IGF2R: variants seen among roughly 807,000 people sequenced by gnomAD.
The protein encoded by IGF2R is insulin like growth factor 2 receptor.
In IGF2R, 91 loss-of-function variants were observed where a neutral mutation model predicts 270.6. The ratio of observed to expected loss-of-function variants is 0.34; its 90% CI spans 0.28 to 0.40. The LOEUF (loss-of-function observed/expected upper bound fraction) is 0.40, where lower values mean the gene tolerates loss of function less well. Among genes scored for constraint, IGF2R ranks in the 10% least tolerant of loss-of-function variants. IGF2R has a pLI of 1.00. For synonymous variants in IGF2R, 1,316 were observed against 1,258.9 expected, an observed-to-expected ratio of 1.05 and a Z score of -0.96; for missense variants, 2,805 against 3,188.3, an observed-to-expected ratio of 0.88 and a Z score of 2.90.
chr6:160,096,774 A>G lies in IGF2R; in HGVS notation c.6842+149A>G, dbSNP rs534847929. 2.2e-5 allele frequency: 15 copies of G among 695,276 alleles called. No individual in the cohort carries two copies. The East Asian group carries it at 2.7e-4, about 12-fold the overall frequency. The allele number at this position is 695,276 out of a possible 1,614,324, so 43.1% of individuals were successfully genotyped here. A position where few individuals can be genotyped will look rare whatever the true frequency, so the allele number is the denominator to read the frequency against. On this transcript the variant is annotated intron_variant, in intron 45 of 47. Coordinates refer to ENST00000356956, the MANE Select transcript of IGF2R (RefSeq NM_000876.4). ...AAAATGATAGAAGCGGACCCCACAT[A>G]GTCAGTGCCCCGCTCCGTTGCTTGT...
chr6:160,059,075 A>C lies in IGF2R; in HGVS notation c.3068A>C (p.Tyr1023Ser). The C allele has an allele frequency of 6.2e-7, 1 of 1,614,122 alleles. No homozygotes were observed. Among genetic ancestry groups the C allele is most frequent in the African/African-American group, 1.3e-5 (1 of 75,062 alleles). Residue 1023 changes from tyrosine (Y) to serine (S), a missense_variant, in exon 22 of 48, where the codon TAC becomes TCC. By Grantham distance (144) the Tyr-to-Ser change is moderately radical. This residue lies in a region of IGF2R where 1,851 missense variants were observed against 2,207.2 expected (regional missense o/e 0.84). Transcript: ENST00000356956. ...LSTEGFITLTYKGPLSAKGTA... is the reference protein window; with the variant it reads ...LSTEGFITLTSKGPLSAKGTA... ...ACAGAGGGCTTCATCACTCTGACCT[A>C]CAAAGGGCCTCTCTCTGCCAAAGGT...
chr6:160,064,455 C>G lies in IGF2R; in HGVS notation c.3941C>G (p.Thr1314Arg), dbSNP rs888095015. The change falls in exon 28 of 48, where the codon ACG (threonine) becomes AGG (arginine). Residue 1314 changes from threonine (T) to arginine (R), a missense_variant. Around this residue, in one of 2 missense-constraint regions of IGF2R, gnomAD observed 1,851 missense variants for 2,207.2 expected, o/e 0.84. Coordinates refer to ENST00000356956, the MANE Select transcript of IGF2R (RefSeq NM_000876.4). Reference sequence around the variant, plus strand: ...AATGGCTTGTTAAAAATGAACTTCACGGGGGGGGACACTTGCCATAAGGTT... The same window carrying G: ...AATGGCTTGTTAAAAATGAACTTCAGGGGGGGGGACACTTGCCATAAGGTT... ...YENGLLKMNFTGGDTCHKVYQ... is the reference protein window; with the variant it reads ...YENGLLKMNFRGGDTCHKVYQ... 6.2e-7 allele frequency: 1 copy of G among 1,612,028 alleles called. No individual in the cohort carries two copies. The highest frequency in any genetic ancestry group is 8.5e-7 in the Non-Finnish European group (1 of 1,178,678).
Position 160,096,430 on chromosome 6 carries a change from G to C in IGF2R, c.6656-9G>C, listed in dbSNP as rs184900975. 6 of 1,607,014 alleles carry C rather than the reference G, an allele frequency of 3.7e-6. No homozygotes were observed. The South Asian group carries it at 6.7e-5, about 18-fold the overall frequency. Reference sequence around the variant, plus strand: ...GTGACATGCCATGTGTGCCCTTCCCGTTTGACAGACGGCGATCTCGATGTC... The same window carrying C: ...GTGACATGCCATGTGTGCCCTTCCCCTTTGACAGACGGCGATCTCGATGTC... On this transcript the variant is annotated splice_polypyrimidine_tract_variant and intron_variant, in intron 44 of 47. Transcript: ENST00000356956.
chr6:160,077,851 T>G (rs1778887547), intron 36 of IGF2R, among the ~76,000 whole-genome samples: 1 of 152,236 alleles, frequency 6.6e-6, no homozygotes, highest in Non-Finnish European at 1.5e-5. Context: ...AGACAGTAGA[T>G]TGGAGCACTT....
intron 7 of IGF2R, among the ~76,000 whole-genome samples, chr6:160,032,232 G>C (rs1210392838): frequency 6.6e-6 from 1 of 152,192 alleles, no homozygotes; most frequent in Non-Finnish European, 1.5e-5. Context: ...ACTGAGTCCA[G>C]GTGCTTGCTG....
In IGF2R at chr6:160,089,164, C is replaced by T. The variant is rs763580000; in HGVS notation, c.6378C>T (p.Ala2126=). 15 of 1,613,970 alleles carry T rather than the reference C, an allele frequency of 9.3e-6. No individual in the cohort carries two copies. The highest frequency in any genetic ancestry group is 5.5e-5 in the South Asian group (5 of 91,084). ...YFSWDSRAAC[A]VKPQEVQMVN... ...GCTGGGACTCCCGGGCTGCCTGCGC[C>T]GTGAAGCCTCAGGAGGTGCAGATGG... The change falls in exon 43 of 48, where the codon GCC becomes GCT. Residue 2126 remains alanine, a synonymous_variant. Transcript: ENST00000356956.
intron 28 of IGF2R, 40 bp from the exon 29 acceptor site, chr6:160,064,764 G>A: frequency 2.2e-6 from 3 of 1,386,234 alleles, no homozygotes; most frequent in Non-Finnish European, 3.1e-6. Context: ...CTAAAGTTTT[G>A]CATTCTCACT....
intron 41 of IGF2R, among the ~76,000 whole-genome samples, chr6:160,087,379 C>T (rs1185454589): frequency 6.6e-6 from 1 of 152,184 alleles, no homozygotes; most frequent in African/African-American, 2.4e-5. Context: ...GTTTGTTGGG[C>T]ACTTTCTATA....
At chr6:160,046,434 T>G in intron 14 of IGF2R, 64 bp from the exon 15 acceptor site, 291 of 1,472,526 alleles carry the variant, frequency 2.0e-4, no homozygotes, top group Non-Finnish European at 2.5e-4. Context: ...AACTGTGGGG[T>G]GAGACCACTC....
At position 160,076,000 on chromosome 6, in the gene IGF2R, A is replaced by T; in HGVS notation, c.5316+4A>T. The T allele has an allele frequency of 6.2e-7, 1 of 1,614,016 alleles. No homozygotes were observed. On this transcript the variant is annotated splice_donor_region_variant and intron_variant, in intron 36 of 47. Coordinates refer to ENST00000356956, the MANE Select transcript of IGF2R (RefSeq NM_000876.4). Reference sequence around the variant, plus strand: ...CTGTAAGAGAGGTGTGAGCATGGTAAGTGTGGGCCTGTGACGATCTAGATG... The same window carrying T: ...CTGTAAGAGAGGTGTGAGCATGGTATGTGTGGGCCTGTGACGATCTAGATG...
intron 18 of IGF2R, 34 bp downstream of exon 18, chr6:160,048,577 C>T: frequency 6.2e-7 from 1 of 1,601,846 alleles, no homozygotes; most frequent in Non-Finnish European, 8.5e-7. Context: ...CTCCTTTGCC[C>T]TCCTAATTCC....
intron 45 of IGF2R, 130 bp downstream of exon 45, chr6:160,096,755 A>T: frequency 1.3e-6 from 1 of 758,512 alleles, no homozygotes. Flanking sequence ...AGAGAAAATG[A>T]TAGAAGCGGA....
intron 23 of IGF2R, 120 bp from the exon 24 acceptor site, chr6:160,061,383 A>AT: frequency 2.2e-6 from 2 of 894,112 alleles, no homozygotes; most frequent in Non-Finnish European, 3.5e-6. Context: ...GGATTTCCTT[A>AT]TCCTCACAGT....
chr6:160,043,627 T>C (rs1213070622), intron 12 of IGF2R, among the ~76,000 whole-genome samples: 1 of 152,288 alleles, frequency 6.6e-6, no homozygotes, highest in African/African-American at 2.4e-5. Flanking sequence ...TTAACAACTT[T>C]ATTGCCTAGA....
chr6:160,014,156 A>G (rs1049709799), intron 4 of IGF2R, among the ~76,000 whole-genome samples: 1 of 152,232 alleles, frequency 6.6e-6, no homozygotes, highest in Non-Finnish European at 1.5e-5. Flanking sequence ...TTATTTCTTT[A>G]AAGCATTGTG....
chr6:160,097,982 C>T (rs558862274), intron 45 of IGF2R, among the ~76,000 whole-genome samples: 2 of 152,254 alleles, frequency 1.3e-5, no homozygotes, highest in Admixed American at 6.5e-5. Flanking sequence ...TATGGTGTTC[C>T]GGTGACGTCA....
At chr6:160,090,961 G>A (rs1214643470) in intron 44 of IGF2R, among the ~76,000 whole-genome samples, 2 of 148,202 alleles carry the variant, frequency 1.3e-5, no homozygotes, top group Middle Eastern at 3.5e-3. Context: ...CCGAGAAGGA[G>A]CGGGTGCTCT....
intron 1 of IGF2R, among the ~76,000 whole-genome samples, chr6:159,981,538 C>G (rs893049775): frequency 3.9e-5 from 6 of 152,210 alleles, no homozygotes; most frequent in Non-Finnish European, 7.3e-5. Context: ...CAGTCCAACT[C>G]TCTCTCTGGA....
chr6:160,051,581 G>A (rs1167170277), intron 19 of IGF2R, among the ~76,000 whole-genome samples: 3 of 152,184 alleles, frequency 2.0e-5, no homozygotes, highest in Non-Finnish European at 4.4e-5. Context: ...AAAGACCACA[G>A]ATAGGAATCT....
Sources: allele counts gnomAD v4.1 joint callset (sites outside exome capture counted in the v4.1 genomes callset), GRCh38; gene constraint gnomAD v4.1.1; regional missense constraint gnomAD v4.1.1; transcripts MANE v1.5; gene names NCBI Gene and HGNC (gene_info 2026-07-23, HGNC 2026-07-21).